Variants in MATN2 observed in about 807,000 individuals in gnomAD.
MATN2 encodes the protein matrilin-2.
MATN2 carries 69 observed loss-of-function variants against 103.2 expected under a neutral mutation model. That is an observed-to-expected ratio of 0.67 (90% confidence interval 0.55 to 0.82). The LOEUF (loss-of-function observed/expected upper bound fraction) is 0.82, where lower values mean the gene tolerates loss of function less well. MATN2 is among the 40% of genes least tolerant of loss of function. MATN2 has a pLI of 0.00. For missense variants in MATN2, 1,023 were observed against 1,211.5 expected, an observed-to-expected ratio of 0.84 and a Z score of 2.31; for synonymous variants, 429 against 450.2, an observed-to-expected ratio of 0.95 and a Z score of 0.60.
Position 97,982,469 on chromosome 8 carries a change from A to G in MATN2, c.1081+3461A>G, listed in dbSNP as rs1233409406. On this transcript the variant is annotated intron_variant, in intron 6 of 18. Coordinates refer to ENST00000254898, the MANE Select transcript of MATN2 (RefSeq NM_002380.5). The surrounding 1 kb of genome is among the most constrained non-coding windows in gnomAD (Gnocchi z 4.3). ...ACTTCTTATACACTTGCAAAAAATG[A>G]AAGAAACTCAGTTTCTCAAATTTCA... Among the ~76,000 whole-genome samples the G allele has an allele frequency of 6.6e-6, 1 of 152,196 alleles. No individual in the cohort carries two copies. Among genetic ancestry groups the G allele is most frequent in the African/African-American group, 2.4e-5 (1 of 41,438 alleles).
At chr8:97,896,382 C>G (rs924757065) in intron 2 of MATN2, among the ~76,000 whole-genome samples, 1 of 152,208 alleles carries the variant, frequency 6.6e-6, no homozygotes, top group Non-Finnish European at 1.5e-5. Flanking sequence ...CCGCAGCTTT[C>G]CCTCACTGTG....
chr8:97,983,299 C>T (rs1273886341), intron 6 of MATN2, among the ~76,000 whole-genome samples: 2 of 152,122 alleles, frequency 1.3e-5, no homozygotes, highest in Non-Finnish European at 2.9e-5. Context: ...CGTTTGGGCT[C>T]CTTCCACCTT....
chr8:97,905,032 T>G (rs1819117817), intron 2 of MATN2, among the ~76,000 whole-genome samples: 1 of 152,208 alleles, frequency 6.6e-6, no homozygotes, highest in Non-Finnish European at 1.5e-5. Flanking sequence ...CCATCAGAGA[T>G]AACTCAAAAT....
intron 5 of MATN2, among the ~76,000 whole-genome samples, chr8:97,967,837 G>A (rs1269505623): frequency 1.3e-5 from 2 of 152,230 alleles, no homozygotes; most frequent in Admixed American, 6.5e-5. Context: ...ACTAGGCAGT[G>A]CCCCAGTAGG....
intron 1 of MATN2, 136 bp from the exon 2 acceptor site, chr8:97,887,939 A>C (rs1818493528): frequency 1.3e-6 from 1 of 786,844 alleles, no homozygotes; most frequent in South Asian, 2.2e-5. Context: ...TCAAAGGCCA[A>C]ACACACAAAC....
intron 2 of MATN2, among the ~76,000 whole-genome samples, chr8:97,896,263 A>T (rs1361265094): frequency 6.6e-6 from 1 of 152,224 alleles, no homozygotes; most frequent in Non-Finnish European, 1.5e-5. Flanking sequence ...CAGTTCATTC[A>T]TCTCTAAAAG....
rs373996001 is a variant in MATN2, at chr8:98,016,670, T to C, written c.1696+8T>C. The stretch of plus-strand genomic sequence containing the variant: ...ATGGAAAAACCTGCAGAAGTAAGTT[T>C]GTACTGGAGCTGGCTCCTACTACTA... On this transcript the variant is annotated splice_region_variant and intron_variant, in intron 11 of 18. Coordinates refer to ENST00000254898, the MANE Select transcript of MATN2 (RefSeq NM_002380.5). 9.9e-6 allele frequency: 16 copies of C among 1,609,642 alleles called. No individual in the cohort carries two copies. The East Asian group carries it at 2.7e-4, about 27-fold the overall frequency.
rs191358535 is a variant in MATN2, at chr8:97,882,847, G to A, written c.-26-5228G>A. On this transcript the variant is annotated intron_variant, in intron 1 of 18. Transcript: ENST00000254898. ...TCTATTCCAGCAGATTTGTTGTGGC[G>A]TCTTATTGTGCTTTTAATTTGTATT... Among the ~76,000 whole-genome samples, 281 of 151,978 alleles carry A rather than the reference G, an allele frequency of 1.8e-3. 1 individual carries two copies. The highest frequency in any genetic ancestry group is 5.6e-3 in the Admixed American group (85 of 15,266).
At chr8:97,877,446 C>A (rs1818115147) in intron 1 of MATN2, among the ~76,000 whole-genome samples, 1 of 151,714 alleles carries the variant, frequency 6.6e-6, no homozygotes. Context: ...CATTGCATTC[C>A]AGCCTGAGCA....
intron 6 of MATN2, among the ~76,000 whole-genome samples, chr8:97,983,116 G>A (rs986097689): frequency 2.6e-5 from 4 of 152,196 alleles, no homozygotes; most frequent in Non-Finnish European, 5.9e-5. Context: ...GGCACTTCAT[G>A]TAAGTGGGAT....
intron 4 of MATN2, among the ~76,000 whole-genome samples, chr8:97,942,568 G>A (rs1199106884): frequency 6.6e-6 from 1 of 152,136 alleles, no homozygotes; most frequent in Non-Finnish European, 1.5e-5. Flanking sequence ...TTAAAGTTAT[G>A]GATAAAGCCA....
chr8:97,880,803 G>A (rs1298184844), intron 1 of MATN2, among the ~76,000 whole-genome samples: 9 of 152,124 alleles, frequency 5.9e-5, no homozygotes, highest in Admixed American at 5.2e-4. Context: ...GGCTGGTCTC[G>A]AAATCCTGGC....
rs192385301 is a variant in MATN2, at chr8:97,910,060, G to A, written c.143-20893G>A. 1.4e-3 allele frequency among the ~76,000 whole-genome samples: 208 copies of A among 151,102 alleles called. 1 individual carries two copies. Among genetic ancestry groups the A allele is most frequent in the African/African-American group, 4.5e-3 (184 of 41,092 alleles). On this transcript the variant is annotated intron_variant, in intron 2 of 18. Coordinates refer to ENST00000254898, the MANE Select transcript of MATN2 (RefSeq NM_002380.5). ...GGCCTCCCAAAGTGCTGGGATTACAGGCGACTTTTTTTTTTTTTTGAGATG... is the reference window on the plus strand; with the variant it reads ...GGCCTCCCAAAGTGCTGGGATTACAAGCGACTTTTTTTTTTTTTTGAGATG...
At chr8:98,033,702 A>T (rs1211459815) in intron 18 of MATN2, 43 bp downstream of exon 18, 6 of 1,288,940 alleles carry the variant, frequency 4.7e-6, no homozygotes, top group Non-Finnish European at 6.6e-6. Flanking sequence ...AATGCAAAGA[A>T]TATTATCAAA....
intron 2 of MATN2, among the ~76,000 whole-genome samples, chr8:97,899,094 TA>T (rs1818905143): frequency 6.6e-6 from 1 of 152,082 alleles, no homozygotes; most frequent in South Asian, 2.1e-4. Flanking sequence ...CACCCTGTTT[TA>T]TCCAGTTGAA....
At chr8:97,888,009 G>T (rs759186772) in intron 1 of MATN2, 66 bp from the exon 2 acceptor site, 5 of 1,483,094 alleles carry the variant, frequency 3.4e-6, no homozygotes, top group Non-Finnish European at 4.5e-6. Context: ...CGGGCCTGCA[G>T]CTCCTGGAGT....
At chr8:97,951,737 GTTTGTTTA>G (rs1001236174) in intron 4 of MATN2, among the ~76,000 whole-genome samples, 4 of 106,706 alleles carry the variant, frequency 3.7e-5, no homozygotes, top group Non-Finnish European at 8.6e-5. Flanking sequence ...CATTATTTTT[GTTTGTTTA>G]TTTATTATTT....
chr8:97,993,650 T>C (rs1237486023), intron 6 of MATN2, among the ~76,000 whole-genome samples: 2 of 152,192 alleles, frequency 1.3e-5, no homozygotes, highest in Non-Finnish European at 2.9e-5. Flanking sequence ...ATCCTATTTA[T>C]GTGCAGCTGA....
At chr8:97,990,876 C>T (rs961672930) in intron 6 of MATN2, among the ~76,000 whole-genome samples, 1 of 152,092 alleles carries the variant, frequency 6.6e-6, no homozygotes, top group Non-Finnish European at 1.5e-5. Flanking sequence ...AATGAATTAG[C>T]AAGAGACAGG....
Sources: gnomAD v4.1 joint callset for allele counts (sites outside exome capture counted in the v4.1 genomes callset) on GRCh38, gnomAD v4.1.1 for gene constraint, Gnocchi (gnomAD v3.1) non-coding constraint, MANE v1.5 for transcripts, NCBI Gene and HGNC (gene_info 2026-07-23, HGNC 2026-07-21) for gene names.